Variants in ATXN2 observed in about 807,000 individuals in gnomAD.
The protein encoded by ATXN2 is ataxin-2.
In ATXN2, 37 loss-of-function variants were observed where a neutral mutation model predicts 138.6. The observed-to-expected ratio is 0.27, with a 90% CI of 0.21 to 0.35. The LOEUF (loss-of-function observed/expected upper bound fraction) is 0.35, where lower values mean the gene tolerates loss of function less well. ATXN2 is among the 10% of genes least tolerant of loss of function. ATXN2 has a pLI of 1.00. For synonymous variants in ATXN2, 549 were observed against 543.7 expected, an observed-to-expected ratio of 1.01 and a Z score of -0.13; for missense variants, 1,216 against 1,480.3, an observed-to-expected ratio of 0.82 and a Z score of 2.93.
At chr12:111,455,827 C>T in intron 23 of ATXN2, 1 of 635,836 alleles carries the variant, frequency 1.6e-6, no homozygotes, top group Middle Eastern at 3.5e-4. Flanking sequence ...AAAGGACTGA[C>T]CAATCAGCAC....
intron 18 of ATXN2, among the ~76,000 whole-genome samples, chr12:111,472,980 AT>A (rs1876520112): frequency 2.0e-5 from 3 of 152,228 alleles, no homozygotes; most frequent in African/African-American, 7.2e-5. Context: ...TTATAAGTTT[AT>A]TGTGATTCTG....
intron 21 of ATXN2, among the ~76,000 whole-genome samples, 176 bp downstream of exon 21, chr12:111,464,486 C>G (rs1875854820): frequency 6.6e-6 from 1 of 152,014 alleles, no homozygotes; most frequent in Non-Finnish European, 1.5e-5. Context: ...TTAACTCCAG[C>G]CTTCTTAAAT....
chr12:111,499,152 G>A (rs568595232), intron 14 of ATXN2, among the ~76,000 whole-genome samples: 12 of 152,240 alleles, frequency 7.9e-5, no homozygotes, highest in African/African-American at 2.6e-4. Flanking sequence ...GATTTCTTGA[G>A]TAATACCCCA....
rs780624563 is a variant in ATXN2, at chr12:111,516,239, C to T, written c.1290G>A (p.Ser430=). The part of the protein sequence containing the change: ...TPTRPPSRPP[S]RPSRPPSHPS... ...GGTGAGACGGGGGTCTGGATGGCCG[C>T]GAGGGGGGCCTGGAGGGCGGCCGTG... is the stretch of plus-strand genomic sequence containing the variant. The change falls in exon 10 of 25, where the codon TCG becomes TCA. Residue 430 remains serine, a synonymous_variant. Coordinates refer to ENST00000673436, the MANE Select transcript of ATXN2 (RefSeq NM_001372574.1). The surrounding 1 kb of genome is among the most constrained non-coding windows in gnomAD (Gnocchi z 5.0). 4 of 1,567,534 alleles carry T rather than the reference C, an allele frequency of 2.6e-6. No individual in the cohort carries two copies. The South Asian group carries it at 4.8e-5, about 19-fold the overall frequency.
At chr12:111,525,686 ATTTT>A (rs11346498) in intron 5 of ATXN2, among the ~76,000 whole-genome samples, 1 of 139,516 alleles carries the variant, frequency 7.2e-6, no homozygotes, top group African/African-American at 2.7e-5. Flanking sequence ...CACACGAAGC[ATTTT>A]TTTTTTTTTT....
intron 1 of ATXN2, among the ~76,000 whole-genome samples, chr12:111,582,938 G>T (rs1307469708): frequency 6.7e-6 from 1 of 149,962 alleles, no homozygotes; most frequent in Non-Finnish European, 1.5e-5. Context: ...AAAGTGCTGG[G>T]ATTACAGGCA....
At chr12:111,483,188 A>AACACATACACACAC (rs770164669) in intron 18 of ATXN2, among the ~76,000 whole-genome samples, 1 of 118,946 alleles carries the variant, frequency 8.4e-6, no homozygotes, top group Non-Finnish European at 1.7e-5. Flanking sequence ...CCCTGTATCA[A>AACACATACACACAC]ACACATACAC....
intron 1 of ATXN2, among the ~76,000 whole-genome samples, chr12:111,578,180 G>A (rs140301528): frequency 0.012 from 1,901 of 152,242 alleles, 47 homozygotes; most frequent in African/African-American, 0.044. Flanking sequence ...CTGGGCGATA[G>A]AGCGAGACTC....
chr12:111,457,362 A>G lies in ATXN2; in HGVS notation c.2897-3T>C. On this transcript the variant is annotated splice_polypyrimidine_tract_variant and splice_region_variant and intron_variant, in intron 21 of 24. Transcript: ENST00000673436. ...CTGAGCAAGGGAGCCCGTGGAAACT[A>G]AAGTGAAAGAAAAAGGAGCATGTAC... 2 of 1,605,486 alleles carry G rather than the reference A, an allele frequency of 1.2e-6. No individual in the cohort carries two copies. Among genetic ancestry groups the G allele is most frequent in the Non-Finnish European group, 8.5e-7 (1 of 1,175,918 alleles).
At chr12:111,461,926 GA>G (rs11356478) in intron 21 of ATXN2, among the ~76,000 whole-genome samples, 37,023 of 97,518 alleles carry the variant, frequency 0.38, 5,602 homozygotes, top group East Asian at 0.87. Flanking sequence ...CATCTCAAAA[GA>G]AAAAAAAAAA....
intron 14 of ATXN2, among the ~76,000 whole-genome samples, chr12:111,493,489 C>A (rs1878187829): frequency 6.7e-6 from 1 of 149,118 alleles, no homozygotes. Context: ...TAATAAATCA[C>A]CTGAAGGTGC....
At chr12:111,550,376 A>C (rs1334530948) in intron 5 of ATXN2, among the ~76,000 whole-genome samples, 1 of 152,190 alleles carries the variant, frequency 6.6e-6, no homozygotes, top group Non-Finnish European at 1.5e-5. Flanking sequence ...ACATTTGGGA[A>C]ATATCAATTC....
intron 18 of ATXN2, among the ~76,000 whole-genome samples, chr12:111,475,274 G>C (rs1187225701): frequency 1.3e-5 from 2 of 149,802 alleles, no homozygotes; most frequent in African/African-American, 4.9e-5. Flanking sequence ...AACCCCAGAG[G>C]GGGAGGTTGC....
At chr12:111,537,865 G>C (rs2135764895) in intron 5 of ATXN2, among the ~76,000 whole-genome samples, 1 of 152,206 alleles carries the variant, frequency 6.6e-6, no homozygotes, top group South Asian at 2.1e-4. Context: ...GGAGGCTGGG[G>C]CAGGAGGATC....
At chr12:111,554,263 TG>T in intron 2 of ATXN2, 46 bp from the exon 3 acceptor site, 1 of 1,243,262 alleles carries the variant, frequency 8.0e-7, no homozygotes, top group Non-Finnish European at 1.1e-6. Context: ...TAGTACAAAC[TG>T]AATCTTCCTC....
At chr12:111,521,062 T>C in intron 6 of ATXN2, 89 bp from the exon 7 acceptor site, 1 of 820,068 alleles carries the variant, frequency 1.2e-6, no homozygotes, top group Non-Finnish European at 1.9e-6. Context: ...TAACAATATC[T>C]AACAAACTAC....
chr12:111,528,413 G>T (rs1369027593), intron 5 of ATXN2, among the ~76,000 whole-genome samples: 1 of 152,150 alleles, frequency 6.6e-6, no homozygotes, highest in Non-Finnish European at 1.5e-5. Flanking sequence ...CCCCAAGTAA[G>T]AGCCAGTGTG....
intron 14 of ATXN2, among the ~76,000 whole-genome samples, chr12:111,509,250 C>T (rs7307870): frequency 0.1 from 15,478 of 152,112 alleles, 2,652 homozygotes; most frequent in African/African-American, 0.35. Context: ...CCTTGCTCTA[C>T]TAATATCTAG....
At chr12:111,465,992 C>T (rs1488050340) in intron 20 of ATXN2, among the ~76,000 whole-genome samples, 1 of 149,926 alleles carries the variant, frequency 6.7e-6, no homozygotes, top group African/African-American at 2.5e-5. Context: ...ATGGTGAAAC[C>T]CTGTCTCTAC....
Sources: allele counts gnomAD v4.1 joint callset (sites outside exome capture counted in the v4.1 genomes callset), GRCh38; gene constraint gnomAD v4.1.1; non-coding constraint Gnocchi (gnomAD v3.1); transcripts MANE v1.5; gene names NCBI Gene and HGNC (gene_info 2026-07-23, HGNC 2026-07-21).